The following ANKS1B variants were observed in gnomAD, a reference collection of about 807,000 sequenced individuals.
ANKS1B encodes ankyrin repeat and sterile alpha motif domain-containing protein 1B.
ANKS1B carries 36 observed loss-of-function variants against 148.3 expected under a neutral mutation model. The ratio of observed to expected loss-of-function variants is 0.24; its 90% CI spans 0.19 to 0.32. ANKS1B has a LOEUF of 0.32. Ranked by LOEUF, ANKS1B falls within the 10% of genes least tolerant of loss-of-function variation. The pLI, the probability that ANKS1B is intolerant of heterozygous loss-of-function variation, is 1.00. For synonymous variants in ANKS1B, 542 were observed against 560.8 expected, an observed-to-expected ratio of 0.97 and a Z score of 0.47; for missense variants, 1,157 against 1,542.6, an observed-to-expected ratio of 0.75 and a Z score of 4.19.
At chr12:98,805,919 T>C (rs1181038501) in intron 20 of ANKS1B, among the ~76,000 whole-genome samples, 1 of 152,248 alleles carries the variant, frequency 6.6e-6, no homozygotes, top group Admixed American at 6.5e-5. Flanking sequence ...TCACCCAGGC[T>C]GGAGTGCGAT....
chr12:98,952,221 T>C (rs2099855120), intron 17 of ANKS1B, among the ~76,000 whole-genome samples: 1 of 152,222 alleles, frequency 6.6e-6, no homozygotes, highest in African/African-American at 2.4e-5. Flanking sequence ...TAGTGTAGTA[T>C]TCCCCCCGTC....
chr12:99,123,445 G>A (rs2063474215), intron 15 of ANKS1B, among the ~76,000 whole-genome samples: 2 of 152,102 alleles, frequency 1.3e-5, no homozygotes, highest in Admixed American at 6.6e-5. Context: ...GTTCTCTAAA[G>A]GGACAGAACT....
chr12:99,493,489 G>GAAGTGTT, intron 10 of ANKS1B, among the ~76,000 whole-genome samples: 2 of 152,266 alleles, frequency 1.3e-5, no homozygotes, highest in African/African-American at 4.8e-5. Context: ...AATAGTCCAG[G>GAAGTGTT]ACAGTTATTG....
chr12:99,347,734 G>T (rs1233908545), intron 12 of ANKS1B, among the ~76,000 whole-genome samples: 1 of 151,848 alleles, frequency 6.6e-6, no homozygotes, highest in East Asian at 1.9e-4. Flanking sequence ...TTGGGGACAA[G>T]AAGAATCGGA....
intron 8 of ANKS1B, among the ~76,000 whole-genome samples, chr12:99,725,086 A>T (rs2153559928): frequency 6.6e-6 from 1 of 152,336 alleles, no homozygotes; most frequent in East Asian, 1.9e-4. Context: ...CACTATGAAG[A>T]AACTGCATCA....
At chr12:98,924,582 T>C (rs1009220844) in intron 17 of ANKS1B, among the ~76,000 whole-genome samples, 1 of 152,146 alleles carries the variant, frequency 6.6e-6, no homozygotes, top group Admixed American at 6.5e-5. Flanking sequence ...TCTTTTTGTA[T>C]ACCATCAACC....
chr12:99,877,232 C>A (rs2092164746), intron 1 of ANKS1B, among the ~76,000 whole-genome samples: 1 of 152,168 alleles, frequency 6.6e-6, no homozygotes, highest in Non-Finnish European at 1.5e-5. Flanking sequence ...GATACCTTTT[C>A]CTTTTTCTAA....
intron 19 of ANKS1B, among the ~76,000 whole-genome samples, chr12:98,827,855 G>A (rs1382511881): frequency 1.3e-5 from 2 of 152,074 alleles, no homozygotes; most frequent in African/African-American, 4.8e-5. Flanking sequence ...ATGGCTCAAA[G>A]TTAAAACAAA....
At chr12:99,940,393 C>T (rs1009319270) in intron 1 of ANKS1B, among the ~76,000 whole-genome samples, 2 of 151,914 alleles carry the variant, frequency 1.3e-5, no homozygotes, top group Non-Finnish European at 2.9e-5. Context: ...AATATAGAAG[C>T]TAATAATAAA....
In ANKS1B at chr12:98,902,555, T is replaced by A. The variant is rs7978352; in HGVS notation, c.2779-70419A>T. On this transcript the variant is annotated intron_variant, in intron 17 of 26. Coordinates refer to ENST00000683438, the MANE Select transcript of ANKS1B (RefSeq NM_001352186.2). ...TCATATTAGAGACTCATACTTGGAG[T>A]CTTCAAGGAGGTAGCATAATATACA... Among the ~76,000 whole-genome samples the A allele has an allele frequency of 2.1e-3, 316 of 152,116 alleles. 1 individual carries two copies. Among genetic ancestry groups the A allele is most frequent in the African/African-American group, 7.4e-3 (306 of 41,506 alleles).
rs1567035518 is a variant in ANKS1B at position 99,403,484 on chromosome 12, GATT to G, written c.1576-3676_1576-3674del. Reference sequence around the variant, plus strand: ...CAATGCCCACTTTTTAATGGGGGTTGATTTTTTTTTCTTGTAAATGTAAGTTAA... The same window carrying G: ...CAATGCCCACTTTTTAATGGGGGTTGTTTTTTTCTTGTAAATGTAAGTTAA... On this transcript the variant is annotated intron_variant, in intron 11 of 26. Coordinates refer to ENST00000683438, the MANE Select transcript of ANKS1B (RefSeq NM_001352186.2). 3.8e-4 allele frequency among the ~76,000 whole-genome samples: 55 copies of G among 143,132 alleles called. 4 individuals carry two copies. The highest frequency in any genetic ancestry group is 7.1e-3 in the Middle Eastern group (2 of 282). The allele number at this position is 143,132 out of a possible 152,430, so 93.9% of individuals were successfully genotyped here. A position where few individuals can be genotyped will look rare whatever the true frequency, so the allele number is the denominator to read the frequency against.
At chr12:99,581,082 CA>C (rs2097565411) in intron 9 of ANKS1B, among the ~76,000 whole-genome samples, 1 of 151,948 alleles carries the variant, frequency 6.6e-6, no homozygotes, top group African/African-American at 2.4e-5. Flanking sequence ...TAAGGAAACG[CA>C]AAGTACCTAG....
intron 9 of ANKS1B, among the ~76,000 whole-genome samples, chr12:99,593,657 T>C (rs1274325253): frequency 6.6e-6 from 1 of 152,124 alleles, no homozygotes; most frequent in Non-Finnish European, 1.5e-5. Flanking sequence ...CAAACATAAA[T>C]TGCTAAACTA....
chr12:99,406,271 T>C (rs1286826502), intron 11 of ANKS1B, among the ~76,000 whole-genome samples: 1 of 145,626 alleles, frequency 6.9e-6, no homozygotes, highest in Non-Finnish European at 1.5e-5. Context: ...ATTTGTTAGG[T>C]CACGAAACAA....
chr12:98,801,857 T>C lies in ANKS1B; in HGVS notation c.3142-732A>G, dbSNP rs2099007078. Among the ~76,000 whole-genome samples the C allele has an allele frequency of 2.6e-5, 4 of 152,224 alleles. No individual in the cohort carries two copies. The highest frequency in any genetic ancestry group is 1.3e-4 in the Admixed American group (2 of 15,278). ...TCCCAAATGATGGTATATCATATGA[T>C]ACAGACCTAAAACAGGAGGACCTCC... On this transcript the variant is annotated intron_variant, in intron 20 of 26. Coordinates refer to ENST00000683438, the MANE Select transcript of ANKS1B (RefSeq NM_001352186.2). The surrounding 1 kb of genome is among the most constrained non-coding windows in gnomAD (Gnocchi z 5.2).
rs149130554 is a variant in ANKS1B, at chr12:99,273,412, T to G, written c.1757-26548A>C. ...TAAATGTCATATCCACAAATCTTTCTGACATAAGTCTTTGTCTACCTTGAG... is the reference window on the plus strand; with the variant it reads ...TAAATGTCATATCCACAAATCTTTCGGACATAAGTCTTTGTCTACCTTGAG... On this transcript the variant is annotated intron_variant, in intron 12 of 26. Transcript: ENST00000683438. Among the ~76,000 whole-genome samples, 21 of 152,276 alleles carry G rather than the reference T, an allele frequency of 1.4e-4. No individual in the cohort carries two copies. In the East Asian group the frequency reaches 3.9e-3, roughly 28 times the overall value.
intron 11 of ANKS1B, among the ~76,000 whole-genome samples, chr12:99,400,179 AGAGGATATAGAAT>A: frequency 8.9e-6 from 1 of 111,978 alleles, no homozygotes; most frequent in Admixed American, 8.4e-5. Flanking sequence ...TGCCAGACCC[AGAGGATATAGAAT>A]CTAATAATAA....
At chr12:99,530,709 T>C (rs921499757) in intron 9 of ANKS1B, among the ~76,000 whole-genome samples, 4 of 152,188 alleles carry the variant, frequency 2.6e-5, no homozygotes, top group Admixed American at 1.3e-4. Context: ...AGTATCTGTA[T>C]GGATTTTCAA....
chr12:98,887,486 C>A (rs1474053715), intron 17 of ANKS1B, among the ~76,000 whole-genome samples: 2 of 152,198 alleles, frequency 1.3e-5, no homozygotes, highest in Non-Finnish European at 2.9e-5. Context: ...AACCTCTTAA[C>A]ATTTTTCATC....
Sources: allele counts gnomAD v4.1 joint callset (sites outside exome capture counted in the v4.1 genomes callset), GRCh38; gene constraint gnomAD v4.1.1; non-coding constraint Gnocchi (gnomAD v3.1); transcripts MANE v1.5; gene names NCBI Gene and HGNC (gene_info 2026-07-23, HGNC 2026-07-21).